OTC: variants seen among roughly 807,000 people sequenced by gnomAD.
OTC encodes ornithine transcarbamylase, also known as ornithine transcarbamylase, mitochondrial.
OTC carries 3 observed loss-of-function variants against 30.3 expected under a neutral mutation model. That is an observed-to-expected ratio of 0.10 (90% CI 0.05 to 0.26). OTC has a LOEUF of 0.26. Among genes scored for constraint, OTC ranks in the 10% least tolerant of loss-of-function variants. The probability of loss-of-function intolerance (pLI) is 1.00; values close to 1 mark genes in which losing one functional copy is unlikely to be tolerated. For missense variants in OTC, 194 were observed against 260.3 expected (o/e 0.75, Z 1.75); for synonymous variants, 111 against 99.7 (o/e 1.11, Z -0.67).
At chrX:38,371,037 A>T (rs2068320318) in intron 3 of OTC, among the ~76,000 whole-genome samples, 1 of 111,609 alleles carries the variant, frequency 9.0e-6, no homozygotes, top group African/African-American at 3.3e-5. Flanking sequence ...GGATTCTCCA[A>T]ACTCATGGAG....
chrX:38,387,151 AT>A (rs974235520), intron 4 of OTC, among the ~76,000 whole-genome samples: 1 of 110,903 alleles, frequency 9.0e-6, no homozygotes, highest in Non-Finnish European at 1.9e-5. Flanking sequence ...TTTGACTTTT[AT>A]TTTTTTGCTG....
At chrX:38,351,050 C>G (rs541245255), upstream of OTC, among the ~76,000 whole-genome samples, 16 of 111,871 alleles carry the variant, frequency 1.4e-4, no homozygotes, top group African/African-American at 4.9e-4. Context: ...TAAATTCACT[C>G]TCTCCCTTCT....
At position 38,377,778 on chromosome X, in the gene OTC, C is replaced by G. The variant is rs1294801511; in HGVS notation, c.299-3564C>G. 2.7e-5 allele frequency among the ~76,000 whole-genome samples: 3 copies of G among 111,890 alleles called. No individual in the cohort carries two copies. In the Admixed American group the frequency reaches 2.8e-4, roughly 11 times the overall value. ...AAAAGTCAAAGTTGTTGCCTTCTCCCCAGCTTCCTTCTGCAGCCTCACCTC... is the reference window on the plus strand; with the variant it reads ...AAAAGTCAAAGTTGTTGCCTTCTCCGCAGCTTCCTTCTGCAGCCTCACCTC... On this transcript the variant is annotated intron_variant, in intron 3 of 9. Transcript: ENST00000039007.
At chrX:38,343,855 A>G in the OTC span, among the ~76,000 whole-genome samples, 14 of 112,323 alleles carry the variant, frequency 1.2e-4, no homozygotes, top group African/African-American at 4.5e-4. Context: ...ACCTTCTTCA[A>G]ATGCCTCAAT....
chrX:38,400,961 T>C (rs764346858), intron 4 of OTC, among the ~76,000 whole-genome samples: 175 of 112,593 alleles, frequency 1.6e-3, no homozygotes, highest in Non-Finnish European at 3.0e-3. Context: ...CCGTATATCT[T>C]GCTTTTGGTC....
intron 9 of OTC, among the ~76,000 whole-genome samples, chrX:38,415,862 A>C (rs2068568552): frequency 8.9e-6 from 1 of 112,029 alleles, no homozygotes; most frequent in South Asian, 3.7e-4. Flanking sequence ...CTCAAAACAA[A>C]CAAACAAGCA....
At chrX:38,367,717 A>G (rs1473483987) in intron 2 of OTC, among the ~76,000 whole-genome samples, 1 of 109,659 alleles carries the variant, frequency 9.1e-6, no homozygotes, top group East Asian at 2.8e-4. Flanking sequence ...GCATTTATTT[A>G]TTTATTTATT....
chrX:38,397,489 CA>C (rs768337151), intron 4 of OTC, among the ~76,000 whole-genome samples: 87 of 111,814 alleles, frequency 7.8e-4, no homozygotes, highest in Non-Finnish European at 1.1e-3. Flanking sequence ...ATATTAGAGA[CA>C]AAAATCTGGT....
chrX:38,359,685 T>G (rs764107425), intron 1 of OTC, among the ~76,000 whole-genome samples: 1 of 111,298 alleles, frequency 9.0e-6, no homozygotes, highest in East Asian at 2.9e-4. Flanking sequence ...CCTCCCAAAG[T>G]GCTGGGATTA....
chrX:38,364,667 C>T (rs780592284), intron 1 of OTC, among the ~76,000 whole-genome samples: 1 of 110,112 alleles, frequency 9.1e-6, no homozygotes, highest in Admixed American at 9.8e-5. Flanking sequence ...TGGCAGGTGC[C>T]TGTAATCCCA....
intron 1 of OTC, among the ~76,000 whole-genome samples, chrX:38,360,237 C>T (rs2147319954): frequency 9.0e-6 from 1 of 111,034 alleles, no homozygotes; most frequent in East Asian, 2.8e-4. Context: ...CTTTCTTATA[C>T]AAATTGATTT....
intron 4 of OTC, among the ~76,000 whole-genome samples, chrX:38,386,488 C>T (rs896493191): frequency 2.7e-5 from 3 of 110,817 alleles, no homozygotes; most frequent in African/African-American, 6.6e-5. Flanking sequence ...CTGGCAACCA[C>T]CATTCTACTT....
rs146415241 is a variant in OTC at position 38,410,672 on chromosome X, A to G, written c.868-1190A>G. Among the ~76,000 whole-genome samples the G allele has an allele frequency of 1.3e-3, 143 of 112,114 alleles. 2 individuals are homozygous for G. In the East Asian group the frequency reaches 0.037, roughly 29 times the overall value. On this transcript the variant is annotated intron_variant, in intron 8 of 9. Transcript: ENST00000039007. Reference sequence around the variant, plus strand: ...TGGCTAATCCCTTATCATGTGGAATATATTTTCATGGAGATATTTTAAATT... The same window carrying G: ...TGGCTAATCCCTTATCATGTGGAATGTATTTTCATGGAGATATTTTAAATT...
At chrX:38,353,757 C>T (rs771863318) in intron 1 of OTC, among the ~76,000 whole-genome samples, 2 of 111,444 alleles carry the variant, frequency 1.8e-5, no homozygotes, top group Non-Finnish European at 1.9e-5. Context: ...AAATTAAGCC[C>T]ATAATATTAG....
At chrX:38,380,333 T>C (rs190580659) in intron 3 of OTC, among the ~76,000 whole-genome samples, 147 of 112,621 alleles carry the variant, frequency 1.3e-3, no homozygotes, top group Non-Finnish European at 2.1e-3. Flanking sequence ...TGACTGTTGC[T>C]TATTTCCCAA....
At chrX:38,393,819 T>C (rs1322302907) in intron 4 of OTC, among the ~76,000 whole-genome samples, 1 of 112,479 alleles carries the variant, frequency 8.9e-6, no homozygotes, top group Admixed American at 9.4e-5. Context: ...AAGTCTAACA[T>C]GAGTGTACAG....
At chrX:38,341,776 T>C in the OTC span, among the ~76,000 whole-genome samples, 1 of 111,033 alleles carries the variant, frequency 9.0e-6, no homozygotes, top group East Asian at 2.8e-4. Context: ...TAGAAACTTG[T>C]AACGTTAGAC....
At chrX:38,371,867 C>T (rs182465213) in intron 3 of OTC, among the ~76,000 whole-genome samples, 114 of 112,396 alleles carry the variant, frequency 1.0e-3, no homozygotes, top group African/African-American at 3.3e-3. Flanking sequence ...ATAAACCAGT[C>T]AGCAATTCTC....
intron 4 of OTC, among the ~76,000 whole-genome samples, chrX:38,391,443 T>C (rs1252097156): frequency 1.8e-5 from 2 of 111,568 alleles, no homozygotes; most frequent in Admixed American, 1.9e-4. Flanking sequence ...CTATTTTGTC[T>C]GATATCTATG....
Sources: allele counts gnomAD v4.1 joint callset (sites outside exome capture counted in the v4.1 genomes callset), GRCh38; gene constraint gnomAD v4.1.1; transcripts MANE v1.5; gene names NCBI Gene and HGNC (gene_info 2026-07-23, HGNC 2026-07-21).